CRTAC1: variants seen among roughly 807,000 people sequenced by gnomAD.
The protein encoded by CRTAC1 is cartilage acidic protein 1.
CRTAC1 carries 37 observed loss-of-function variants against 67.8 expected under a neutral mutation model. The ratio of observed to expected loss-of-function variants is 0.55; its 90% CI spans 0.42 to 0.72. The LOEUF (loss-of-function observed/expected upper bound fraction) is 0.72. Among genes scored for constraint, CRTAC1 ranks in the 30% least tolerant of loss-of-function variants. CRTAC1 has a pLI of 0.00. For missense variants in CRTAC1, 780 were observed against 931.6 expected (o/e 0.84, Z 2.12); for synonymous variants, 348 against 371.0 (o/e 0.94, Z 0.71).
At chr10:97,904,146 A>G (rs1051492757) in intron 7 of CRTAC1, among the ~76,000 whole-genome samples, 4 of 152,122 alleles carry the variant, frequency 2.6e-5, no homozygotes, top group Non-Finnish European at 2.9e-5. Flanking sequence ...TCCACCTCCC[A>G]GGACTCCGGC....
intron 5 of CRTAC1, among the ~76,000 whole-genome samples, chr10:97,913,220 T>C (rs1443352120): frequency 1.3e-5 from 2 of 152,132 alleles, no homozygotes; most frequent in Admixed American, 6.5e-5. Flanking sequence ...CTAAATTTCC[T>C]GAAAAATTAT....
Position 97,895,100 on chromosome 10 carries a change from G to A in CRTAC1, c.1486+145C>T. On this transcript the variant is annotated intron_variant, in intron 11 of 14. Transcript: ENST00000370597. This position sits in a 1 kb window ranked among gnomAD's most constrained non-coding sequence, Gnocchi z 4.2. Reference sequence around the variant, plus strand: ...TCTTCTTGAGCTCAGGCTCATCTCAGAGTAGGGTTTGTCCCCAGTAGCTGG... The same window carrying A: ...TCTTCTTGAGCTCAGGCTCATCTCAAAGTAGGGTTTGTCCCCAGTAGCTGG... The A allele has an allele frequency of 2.6e-6, 2 of 760,994 alleles. No homozygotes were observed. The allele number at this position is 760,994 out of a possible 1,614,324, so 47.1% of individuals were successfully genotyped here.
intron 11 of CRTAC1, among the ~76,000 whole-genome samples, chr10:97,892,433 A>T (rs1419171422): frequency 6.6e-6 from 1 of 152,196 alleles, no homozygotes; most frequent in African/African-American, 2.4e-5. Context: ...CGTGGTGGTC[A>T]CCTTGGTGCT....
chr10:97,880,900 C>T (rs2050204844), intron 13 of CRTAC1, among the ~76,000 whole-genome samples: 1 of 152,172 alleles, frequency 6.6e-6, no homozygotes, highest in Non-Finnish European at 1.5e-5. Context: ...AGAGCGACCC[C>T]TGATTTCTCC....
At chr10:97,903,497 G>A (rs1479354541) in intron 7 of CRTAC1, among the ~76,000 whole-genome samples, 4 of 151,836 alleles carry the variant, frequency 2.6e-5, no homozygotes, top group African/African-American at 9.7e-5. Context: ...AGCCTTAGCA[G>A]GGAGGGAGTG....
chr10:97,901,787 C>T, intron 7 of CRTAC1, 148 bp from the exon 8 acceptor site: 1 of 925,140 alleles, frequency 1.1e-6, no homozygotes, highest in Non-Finnish European at 1.6e-6. Flanking sequence ...GACCTGGGGG[C>T]TGCCTTTAGG....
At position 97,901,357 on chromosome 10, in the gene CRTAC1, T is replaced by C. The variant is rs574885526; in HGVS notation, c.1133+146A>G. ...AGTCCTCGTCCTTCCTTCCTTTCTGTTTCTTCATCAGGGGACCTGTGTTGA... is the reference window on the plus strand; with the variant it reads ...AGTCCTCGTCCTTCCTTCCTTTCTGCTTCTTCATCAGGGGACCTGTGTTGA... On this transcript the variant is annotated intron_variant, in intron 8 of 14. Coordinates refer to ENST00000370597, the MANE Select transcript of CRTAC1 (RefSeq NM_018058.7). 26 of 931,874 alleles carry C rather than the reference T, an allele frequency of 2.8e-5. No homozygotes were observed. In the South Asian group the frequency reaches 3.9e-4, roughly 14 times the overall value. The allele number at this position is 931,874 out of a possible 1,614,324, so 57.7% of individuals were successfully genotyped here.
chr10:97,994,293 A>G lies in CRTAC1; in HGVS notation c.224+16845T>C, dbSNP rs186117241. ...ATCACAGATTGCCAACTGTTTTTAT[A>G]TATTCTTAAGAATCTTCCCAAAGCC... On this transcript the variant is annotated intron_variant, in intron 2 of 14. Coordinates refer to ENST00000370597, the MANE Select transcript of CRTAC1 (RefSeq NM_018058.7). 2.2e-4 allele frequency among the ~76,000 whole-genome samples: 33 copies of G among 152,334 alleles called. 1 individual carries two copies. Among genetic ancestry groups the G allele is most frequent in the Admixed American group, 2.0e-3 (30 of 15,300 alleles).
chr10:98,000,137 G>C (rs472885), intron 2 of CRTAC1, among the ~76,000 whole-genome samples: 25,321 of 152,072 alleles, frequency 0.17, 2,642 homozygotes, highest in African/African-American at 0.3. Context: ...CTCATTCTTC[G>C]GGGTTGCAGG....
At chr10:97,921,042 G>T (rs976212725) in intron 4 of CRTAC1, among the ~76,000 whole-genome samples, 1 of 152,104 alleles carries the variant, frequency 6.6e-6, no homozygotes, top group African/African-American at 2.4e-5. Context: ...AGTGGGGGCG[G>T]GGCTGAGGCA....
intron 2 of CRTAC1, among the ~76,000 whole-genome samples, chr10:97,943,984 A>G (rs2051219419): frequency 6.6e-6 from 1 of 151,896 alleles, no homozygotes; most frequent in South Asian, 2.1e-4. Flanking sequence ...AAGGTTTAGT[A>G]AAAATTAATT....
chr10:97,906,829 G>C (rs1387216669), intron 6 of CRTAC1, among the ~76,000 whole-genome samples: 1 of 152,152 alleles, frequency 6.6e-6, no homozygotes, highest in Non-Finnish European at 1.5e-5. Flanking sequence ...ATGCTGGGGT[G>C]GTAGGTACTC....
intron 5 of CRTAC1, among the ~76,000 whole-genome samples, chr10:97,913,135 A>AGAGT (rs1554918254): frequency 1.7e-4 from 25 of 150,878 alleles, no homozygotes; most frequent in Admixed American, 9.2e-4. Context: ...AGAGAGAGAG[A>AGAGT]GTGTGTGTGT....
chr10:97,957,755 T>G lies in CRTAC1; in HGVS notation c.225-21389A>C, dbSNP rs1467670456. On this transcript the variant is annotated intron_variant, in intron 2 of 14. Transcript: ENST00000370597. Reference sequence around the variant, plus strand: ...CTCTGGCATTGTCTGTGTATCATACTGGAATGCAATGGACCCTCCATCCCC... The same window carrying G: ...CTCTGGCATTGTCTGTGTATCATACGGGAATGCAATGGACCCTCCATCCCC... 4.6e-5 allele frequency among the ~76,000 whole-genome samples: 7 copies of G among 152,168 alleles called. No homozygotes were observed. The East Asian group carries it at 1.3e-3, about 29-fold the overall frequency.
At chr10:97,882,172 T>C (rs2136539430) in intron 13 of CRTAC1, among the ~76,000 whole-genome samples, 1 of 152,300 alleles carries the variant, frequency 6.6e-6, no homozygotes, top group Non-Finnish European at 1.5e-5. Context: ...TGACCCCTCC[T>C]TGCTGGTCAC....
At position 98,019,071 on chromosome 10, in the gene CRTAC1, G is replaced by T. The variant is rs56364078; in HGVS notation, c.25-7734C>A. On this transcript the variant is annotated intron_variant, in intron 1 of 14. Transcript: ENST00000370597. ...GAGCACAGAGAGATGTAAGTTAGCT[G>T]GGGGGGGAGCTGGGAAGTGCTTCCT... is the stretch of plus-strand genomic sequence containing the variant. 3.4e-3 allele frequency among the ~76,000 whole-genome samples: 506 copies of T among 150,402 alleles called. 1 individual carries two copies. The highest frequency in any genetic ancestry group is 4.3e-3 in the Non-Finnish European group (287 of 67,010).
intron 13 of CRTAC1, among the ~76,000 whole-genome samples, chr10:97,881,078 C>T (rs2050207158): frequency 2.0e-5 from 3 of 152,222 alleles, no homozygotes; most frequent in Admixed American, 6.5e-5. Flanking sequence ...TCACAGAATA[C>T]CTGGCTTCCC....
intron 3 of CRTAC1, 30 bp downstream of exon 3, chr10:97,936,140 G>A (rs779298461): frequency 3.2e-6 from 5 of 1,551,880 alleles, no homozygotes; most frequent in Middle Eastern, 1.8e-4. Flanking sequence ...AAGATGGGAA[G>A]CAGGAAGAGG....
intron 2 of CRTAC1, 111 bp downstream of exon 2, chr10:98,011,025 CTA>C (rs1842894784): frequency 1.1e-6 from 1 of 917,108 alleles, no homozygotes; most frequent in Non-Finnish European, 1.7e-6. Flanking sequence ...AACCACAGAC[CTA>C]TGAGTGAGAA....
Sources: allele counts gnomAD v4.1 joint callset (sites outside exome capture counted in the v4.1 genomes callset), GRCh38; gene constraint gnomAD v4.1.1; non-coding constraint Gnocchi (gnomAD v3.1); transcripts MANE v1.5; gene names NCBI Gene and HGNC (gene_info 2026-07-23, HGNC 2026-07-21).